Variants in PAPSS1 observed in about 807,000 individuals in gnomAD.
PAPSS1 encodes the protein bifunctional 3'-phosphoadenosine 5'-phosphosulfate synthase 1.
PAPSS1 carries 50 observed loss-of-function variants against 72.0 expected under a neutral mutation model. The observed-to-expected ratio is 0.69, with a 90% confidence interval of 0.55 to 0.88. The LOEUF (loss-of-function observed/expected upper bound fraction) is 0.88. Ranked by LOEUF, PAPSS1 falls within the 40% of genes least tolerant of loss-of-function variation. The pLI, the probability that PAPSS1 is intolerant of heterozygous loss-of-function variation, is 0.00. For synonymous variants in PAPSS1, 261 were observed against 263.6 expected (o/e 0.99, Z 0.09); for missense variants, 657 against 782.2 (o/e 0.84, Z 1.91).
At chr4:107,649,964 G>C (rs115952086) in intron 9 of PAPSS1, among the ~76,000 whole-genome samples, 1,729 of 152,302 alleles carry the variant, frequency 0.011, 12 homozygotes, top group Non-Finnish European at 0.017. Flanking sequence ...GTATCACCTT[G>C]CAATCACCGA....
intron 6 of PAPSS1, 48 bp downstream of exon 6, chr4:107,659,911 T>C: frequency 1.1e-5 from 11 of 995,746 alleles, no homozygotes; most frequent in Middle Eastern, 2.1e-4. Flanking sequence ...AACAAACTAC[T>C]GTATATAAGG....
intron 1 of PAPSS1, among the ~76,000 whole-genome samples, chr4:107,711,489 T>C (rs1403759293): frequency 6.6e-6 from 1 of 151,926 alleles, no homozygotes; most frequent in African/African-American, 2.4e-5. Context: ...TTCATCATTT[T>C]ATAAAGAATT....
At chr4:107,647,983 T>C (rs1726737795) in intron 9 of PAPSS1, among the ~76,000 whole-genome samples, 1 of 152,212 alleles carries the variant, frequency 6.6e-6, no homozygotes, top group South Asian at 2.1e-4. Flanking sequence ...CCTCTTTCCC[T>C]CAATTCTTCT....
chr4:107,712,701 C>T (rs186234730), intron 1 of PAPSS1, among the ~76,000 whole-genome samples: 1 of 151,952 alleles, frequency 6.6e-6, no homozygotes, highest in East Asian at 2.0e-4. Context: ...TGTGAAACCC[C>T]GTCTCTGCTC....
chr4:107,648,957 C>T (rs1026774206), intron 9 of PAPSS1, among the ~76,000 whole-genome samples: 3 of 152,188 alleles, frequency 2.0e-5, no homozygotes, highest in Non-Finnish European at 4.4e-5. Flanking sequence ...GAATTTTTCA[C>T]AAAACTGGTA....
intron 7 of PAPSS1, 45 bp from the exon 8 acceptor site, chr4:107,654,945 A>C: frequency 1.4e-6 from 2 of 1,441,492 alleles, no homozygotes; most frequent in Non-Finnish European, 1.9e-6. Context: ...TGAATTACTC[A>C]ACACGCTTTA....
At chr4:107,719,187 GT>G (rs9307313) in intron 1 of PAPSS1, among the ~76,000 whole-genome samples, 5 of 146,412 alleles carry the variant, frequency 3.4e-5, no homozygotes, top group African/African-American at 1.2e-4. Context: ...GAAATTGCTT[GT>G]TTTTTTTTTC....
At chr4:107,716,726 G>A (rs528857066) in intron 1 of PAPSS1, among the ~76,000 whole-genome samples, 2 of 152,262 alleles carry the variant, frequency 1.3e-5, no homozygotes, top group South Asian at 2.1e-4. Context: ...TGAAGTAAGA[G>A]GCAGCTCCAA....
intron 11 of PAPSS1, among the ~76,000 whole-genome samples, chr4:107,622,692 C>A (rs980764239): frequency 6.6e-6 from 1 of 152,138 alleles, no homozygotes; most frequent in African/African-American, 2.4e-5. Context: ...AACTGCTTTA[C>A]GAAATGTAGA....
chr4:107,662,556 T>C (rs927626415), intron 5 of PAPSS1, among the ~76,000 whole-genome samples: 1 of 150,096 alleles, frequency 6.7e-6, no homozygotes, highest in Non-Finnish European at 1.5e-5. Flanking sequence ...GACAACTAAA[T>C]ATACATAGTT....
intron 10 of PAPSS1, among the ~76,000 whole-genome samples, chr4:107,643,598 T>TATCC (rs1726614712): frequency 6.6e-6 from 1 of 152,090 alleles, no homozygotes; most frequent in Non-Finnish European, 1.5e-5. Flanking sequence ...GCTCTCAGGG[T>TATCC]ATCCAATCTT....
At chr4:107,638,146 T>A (rs1726437386) in intron 10 of PAPSS1, among the ~76,000 whole-genome samples, 1 of 152,224 alleles carries the variant, frequency 6.6e-6, no homozygotes, top group South Asian at 2.1e-4. Flanking sequence ...TTCAATTAAG[T>A]TCTATTACTC....
chr4:107,633,597 G>C (rs1439336477), intron 10 of PAPSS1, among the ~76,000 whole-genome samples: 1 of 152,018 alleles, frequency 6.6e-6, no homozygotes, highest in African/African-American at 2.4e-5. Flanking sequence ...GTGGGGGGTG[G>C]TGGATGATGG....
At chr4:107,626,317 G>A (rs779510725) in intron 11 of PAPSS1, among the ~76,000 whole-genome samples, 3 of 152,150 alleles carry the variant, frequency 2.0e-5, no homozygotes, top group South Asian at 2.1e-4. Flanking sequence ...ACTCTCACTC[G>A]TGTGTACTGT....
chr4:107,641,715 C>A (rs925264813), intron 10 of PAPSS1, among the ~76,000 whole-genome samples: 1 of 152,068 alleles, frequency 6.6e-6, no homozygotes, highest in African/African-American at 2.4e-5. Flanking sequence ...TATTAAACAC[C>A]AAAGGATATC....
At chr4:107,625,038 A>G (rs536964565) in intron 11 of PAPSS1, among the ~76,000 whole-genome samples, 1 of 152,342 alleles carries the variant, frequency 6.6e-6, no homozygotes, top group African/African-American at 2.4e-5. Context: ...TAGTGCGAAT[A>G]AGAAGTAACT....
chr4:107,629,152 G>C (rs1289466089), intron 11 of PAPSS1, among the ~76,000 whole-genome samples: 1 of 152,114 alleles, frequency 6.6e-6, no homozygotes, highest in Non-Finnish European at 1.5e-5. Context: ...GTTTGAAAAA[G>C]AGCCCCTATC....
chr4:107,616,146 G>GT (rs1240097141), intron 11 of PAPSS1, among the ~76,000 whole-genome samples: 8 of 151,502 alleles, frequency 5.3e-5, no homozygotes, highest in Admixed American at 5.3e-4. Flanking sequence ...CATTGTTGGG[G>GT]TTAAAAAAAA....
intron 11 of PAPSS1, among the ~76,000 whole-genome samples, chr4:107,627,548 C>T (rs1726130491): frequency 6.6e-6 from 1 of 152,108 alleles, no homozygotes; most frequent in Non-Finnish European, 1.5e-5. Context: ...AAAAGAACTA[C>T]AAATTATAGG....
Sources: gnomAD v4.1 joint callset for allele counts (sites outside exome capture counted in the v4.1 genomes callset) on GRCh38, gnomAD v4.1.1 for gene constraint, MANE v1.5 for transcripts, NCBI Gene and HGNC (gene_info 2026-07-23, HGNC 2026-07-21) for gene names.